Variants in RCAN1 observed in about 807,000 individuals in gnomAD.
RCAN1 encodes the protein calcipressin-1.
RCAN1 carries 11 observed loss-of-function variants against 22.9 expected under a neutral mutation model. The ratio of observed to expected loss-of-function variants is 0.48; its 90% CI spans 0.30 to 0.79. RCAN1 has a LOEUF of 0.79. Among genes scored for constraint, RCAN1 ranks in the 30% least tolerant of loss-of-function variants. RCAN1 has a pLI of 0.06. For synonymous variants in RCAN1, 136 were observed against 142.3 expected, an observed-to-expected ratio of 0.96 and a Z score of 0.32; for missense variants, 291 against 337.8, an observed-to-expected ratio of 0.86 and a Z score of 1.09.
intron 1 of RCAN1, among the ~76,000 whole-genome samples, chr21:34,547,173 C>T (rs1422628066): frequency 2.6e-5 from 4 of 152,182 alleles, no homozygotes; most frequent in African/African-American, 9.6e-5. Context: ...TCGGGTTCCA[C>T]GTCACCCAGG....
intron 1 of RCAN1, among the ~76,000 whole-genome samples, chr21:34,611,589 C>T (rs757400394): frequency 7.2e-5 from 11 of 152,148 alleles, no homozygotes; most frequent in Non-Finnish European, 2.9e-5. Flanking sequence ...TTTCCTCACA[C>T]CATCACTCTC....
rs201971681 is a variant in RCAN1, at chr21:34,518,237, G to A, written c.606C>T (p.His202=). The part of the protein sequence containing the change: ...KLGPGEKYEL[H]AATDTTPSVV... ...CGCTGGGAGTGGTGTCAGTCGCTGC[G>A]TGCAATTCATACTTTTCCCCTAAGG... Residue 202 remains histidine, a synonymous_variant, in exon 4 of 4, where the codon CAC becomes CAT. Coordinates refer to ENST00000313806, the MANE Select transcript of RCAN1 (RefSeq NM_004414.7). The surrounding 1 kb of genome is among the most constrained non-coding windows in gnomAD (Gnocchi z 4.2). The A allele has an allele frequency of 2.5e-6, 4 of 1,614,104 alleles. No individual in the cohort carries two copies. The highest frequency in any genetic ancestry group is 2.2e-5 in the East Asian group (1 of 44,892).
rs1175850900 is a variant in RCAN1 at position 34,517,509 on chromosome 21, T to G, written c.*575A>C. Reference sequence around the variant, plus strand: ...CGCTTTCCTGGCTTCCCAAAAGATGTAAAACAACAACGGTGTAACTTTATA... The same window carrying G: ...CGCTTTCCTGGCTTCCCAAAAGATGGAAAACAACAACGGTGTAACTTTATA... On this transcript the variant is annotated 3_prime_UTR_variant, in exon 4 of 4. Coordinates refer to ENST00000313806, the MANE Select transcript of RCAN1 (RefSeq NM_004414.7). 1.3e-5 allele frequency: 2 copies of G among 152,240 alleles called. No individual in the cohort carries two copies. Among genetic ancestry groups the G allele is most frequent in the Non-Finnish European group, 2.9e-5 (2 of 68,048 alleles). 9.4% of individuals were successfully genotyped at this position (152,240 alleles called of 1,614,324 possible).
intron 1 of RCAN1, among the ~76,000 whole-genome samples, chr21:34,557,086 G>A (rs1270477356): frequency 6.6e-6 from 1 of 152,104 alleles, no homozygotes; most frequent in East Asian, 1.9e-4. Context: ...GGTGGTACAC[G>A]CCTGTAATCT....
At position 34,574,780 on chromosome 21, in the gene RCAN1, CG is replaced by C. The variant is rs1987354983; in HGVS notation, c.252+39979del. Reference sequence around the variant, plus strand: ...GTCTGTCTGCTTCCGCGGCTGAGCACGTTCTCCTCGGGTGCCTCCCGCGTCA... The same window carrying C: ...GTCTGTCTGCTTCCGCGGCTGAGCACTTCTCCTCGGGTGCCTCCCGCGTCA... On this transcript the variant is annotated intron_variant, in intron 1 of 3. Coordinates refer to ENST00000313806, the MANE Select transcript of RCAN1 (RefSeq NM_004414.7). Among the ~76,000 whole-genome samples the C allele has an allele frequency of 2.0e-5, 3 of 152,224 alleles. No homozygotes were observed. In the South Asian group the frequency reaches 6.2e-4, roughly 32 times the overall value.
At chr21:34,606,880 G>C (rs910843035) in intron 1 of RCAN1, among the ~76,000 whole-genome samples, 3 of 152,144 alleles carry the variant, frequency 2.0e-5, no homozygotes, top group Non-Finnish European at 4.4e-5. Context: ...CAGAACTGTG[G>C]GAAATACATG....
In RCAN1 at chr21:34,517,456, A is replaced by G. The variant is rs1378304049; in HGVS notation, c.*628T>C. On this transcript the variant is annotated 3_prime_UTR_variant, in exon 4 of 4. Coordinates refer to ENST00000313806, the MANE Select transcript of RCAN1 (RefSeq NM_004414.7). ...GTTGCAAAGAGTCGAGAATCCGAGA[A>G]TCTGGGAAAGGTGATACGTTTTCCA... is the stretch of plus-strand genomic sequence containing the variant. 1 of 152,254 alleles carries G rather than the reference A, an allele frequency of 6.6e-6. No individual in the cohort carries two copies. The highest frequency in any genetic ancestry group is 1.5e-5 in the Non-Finnish European group (1 of 68,054). 9.4% of individuals were successfully genotyped at this position (152,254 alleles called of 1,614,324 possible).
chr21:34,594,906 G>C (rs1013061048), intron 1 of RCAN1, among the ~76,000 whole-genome samples: 1 of 152,204 alleles, frequency 6.6e-6, no homozygotes, highest in African/African-American at 2.4e-5. Context: ...AGGCAGCATG[G>C]GTAGTGGTTA....
In RCAN1 at chr21:34,605,922, A is replaced by C. The variant is rs774853698; in HGVS notation, c.252+8838T>G. Among the ~76,000 whole-genome samples the C allele has an allele frequency of 5.6e-3, 64 of 11,484 alleles. 2 individuals are homozygous for C. The highest frequency in any genetic ancestry group is 0.031 in the Middle Eastern group (1 of 32). 7.5% of individuals were successfully genotyped at this position (11,484 alleles called of 152,430 possible). A position where few individuals can be genotyped will look rare whatever the true frequency, so the allele number is the denominator to read the frequency against. ...GCAACAGAGCAAGACTCGGTCTCAG[A>C]AAAAAAAAAAAAAAAAAAGATGATG... On this transcript the variant is annotated intron_variant, in intron 1 of 3. Transcript: ENST00000313806.
intron 1 of RCAN1, among the ~76,000 whole-genome samples, chr21:34,577,747 A>G (rs1453643023): frequency 1.3e-5 from 2 of 152,250 alleles, no homozygotes; most frequent in Admixed American, 1.3e-4. Context: ...CAAGGCAGTT[A>G]TCCTGAGCAC....
intron 1 of RCAN1, among the ~76,000 whole-genome samples, chr21:34,574,532 T>C (rs1307453741): frequency 6.6e-6 from 1 of 152,164 alleles, no homozygotes; most frequent in Admixed American, 6.5e-5. Flanking sequence ...CCTCAGGTCC[T>C]GGGAAAAGCC....
chr21:34,607,509 C>A (rs1264613428), intron 1 of RCAN1, among the ~76,000 whole-genome samples: 1 of 152,072 alleles, frequency 6.6e-6, no homozygotes, highest in Admixed American at 6.5e-5. Flanking sequence ...CATGCCTCAG[C>A]CTCCTGAATA....
At chr21:34,538,342 T>G (rs1985767358) in intron 1 of RCAN1, among the ~76,000 whole-genome samples, 1 of 152,188 alleles carries the variant, frequency 6.6e-6, no homozygotes, top group Non-Finnish European at 1.5e-5. Context: ...TGTGCCTGTT[T>G]CACCCATTTA....
In RCAN1 at chr21:34,523,468, G is replaced by A. The variant is rs562503545; in HGVS notation, c.426+69C>T. 38 of 1,491,694 alleles carry A rather than the reference G, an allele frequency of 2.5e-5. No homozygotes were observed. The East Asian group carries it at 4.3e-4, about 17-fold the overall frequency. 92.4% of individuals were successfully genotyped at this position (1,491,694 alleles called of 1,614,324 possible). On this transcript the variant is annotated intron_variant, in intron 2 of 3. Transcript: ENST00000313806. ...CCGGTCAGCATATAACATAAGCAAC[G>A]TATAAGCTGCTTTACAAAAGGGAGG...
chr21:34,549,485 C>T (rs1986278991), intron 1 of RCAN1, among the ~76,000 whole-genome samples: 1 of 152,028 alleles, frequency 6.6e-6, no homozygotes, highest in Non-Finnish European at 1.5e-5. Flanking sequence ...GTGGTGAATA[C>T]CGAGGATCCC....
chr21:34,548,349 GTGC>G (rs760072194), intron 1 of RCAN1, among the ~76,000 whole-genome samples: 1 of 152,206 alleles, frequency 6.6e-6, no homozygotes. Flanking sequence ...GGCTAGATAT[GTGC>G]TGGATGACTA....
chr21:34,533,411 A>T (rs1304473099), intron 1 of RCAN1, among the ~76,000 whole-genome samples: 2 of 152,092 alleles, frequency 1.3e-5, no homozygotes, highest in African/African-American at 4.8e-5. Context: ...AGCAATTATG[A>T]TTTTATTTCC....
rs372109323 is a variant in RCAN1 at position 34,563,347 on chromosome 21, G to A, written c.253-39637C>T. ...ATGCAATCATATTTATAAAGGGTCC[G>A]TAGTCTTGAGAGTTGGTAATTCCAT... On this transcript the variant is annotated intron_variant, in intron 1 of 3. Transcript: ENST00000313806. Among the ~76,000 whole-genome samples, 213 of 152,296 alleles carry A rather than the reference G, an allele frequency of 1.4e-3. 2 individuals are homozygous for A. Among genetic ancestry groups the A allele is most frequent in the African/African-American group, 4.9e-3 (203 of 41,572 alleles).
chr21:34,543,063 A>T (rs910927370), intron 1 of RCAN1, among the ~76,000 whole-genome samples: 1 of 152,226 alleles, frequency 6.6e-6, no homozygotes, highest in Non-Finnish European at 1.5e-5. Flanking sequence ...GGTGGCACAA[A>T]TTGACCTAAT....
Sources: gnomAD v4.1 joint callset for allele counts (sites outside exome capture counted in the v4.1 genomes callset) on GRCh38, gnomAD v4.1.1 for gene constraint, Gnocchi (gnomAD v3.1) non-coding constraint, MANE v1.5 for transcripts, NCBI Gene and HGNC (gene_info 2026-07-23, HGNC 2026-07-21) for gene names.